The following PIP5K1B variants were observed in gnomAD, a reference collection of about 807,000 sequenced individuals.
The protein encoded by PIP5K1B is phosphatidylinositol-4-phosphate 5-kinase type 1 beta, also known as phosphatidylinositol 4-phosphate 5-kinase type-1 beta.
Under a neutral mutation model 67.0 loss-of-function variants are expected in PIP5K1B, and 42 were observed. The ratio of observed to expected loss-of-function variants is 0.63; its 90% confidence interval spans 0.49 to 0.81. The LOEUF (loss-of-function observed/expected upper bound fraction) is 0.81. Among genes scored for constraint, PIP5K1B ranks in the 30% least tolerant of loss-of-function variants. PIP5K1B has a pLI of 0.00. For missense variants in PIP5K1B, 459 were observed against 646.3 expected, an observed-to-expected ratio of 0.71 and a Z score of 3.14; for synonymous variants, 214 against 231.4, an observed-to-expected ratio of 0.92 and a Z score of 0.68.
At position 68,876,772 on chromosome 9, in the gene PIP5K1B, G is replaced by A. The variant is rs543539752; in HGVS notation, c.296G>A (p.Gly99Asp). 1.9e-6 allele frequency: 3 copies of A among 1,562,348 alleles called. No homozygotes were observed. Among genetic ancestry groups the A allele is most frequent in the Non-Finnish European group, 2.6e-6 (3 of 1,132,972 alleles). The change falls in exon 6 of 16, where the codon GGT becomes GAT. Residue 99 changes from glycine (G) to aspartate (D), a missense_variant. Physicochemically the swap from Gly to Asp is moderately conservative, Grantham distance 94. Around this residue, in one of 2 missense-constraint regions of PIP5K1B, gnomAD observed 290 missense variants for 474.4 expected, o/e 0.61. Transcript: ENST00000265382. ...TTCCGATATTTCAGAGAACTTTTTGGTATCAAGCCTGATGATTACTTGGTA... is the reference window on the plus strand; with the variant it reads ...TTCCGATATTTCAGAGAACTTTTTGATATCAAGCCTGATGATTACTTGGTA... Reference protein sequence around the residue: ...LAFRYFRELFGIKPDDYLYSI... With the variant: ...LAFRYFRELFDIKPDDYLYSI...
At chr9:68,743,532 CTT>C (rs1302575371) in intron 2 of PIP5K1B, among the ~76,000 whole-genome samples, 1 of 152,190 alleles carries the variant, frequency 6.6e-6, no homozygotes, top group African/African-American at 2.4e-5. Context: ...TTTGAATGAG[CTT>C]TCATAAGAAC....
chr9:68,871,329 A>T (rs891212074), intron 5 of PIP5K1B, among the ~76,000 whole-genome samples: 2 of 152,158 alleles, frequency 1.3e-5, no homozygotes, highest in South Asian at 4.1e-4. Flanking sequence ...TGCTGTTCTG[A>T]TGTGAGTCTA....
At chr9:68,996,502 A>G (rs1473233043) in intron 15 of PIP5K1B, among the ~76,000 whole-genome samples, 1 of 152,210 alleles carries the variant, frequency 6.6e-6, no homozygotes, top group African/African-American at 2.4e-5. Flanking sequence ...GATGACACAG[A>G]TTAGGGTATT....
rs568353847 is a variant in PIP5K1B at position 68,723,497 on chromosome 9, C to T, written c.-243+17735C>T. 2.6e-5 allele frequency among the ~76,000 whole-genome samples: 4 copies of T among 151,990 alleles called. No homozygotes were observed. The South Asian group carries it at 8.3e-4, about 32-fold the overall frequency. On this transcript the variant is annotated intron_variant, in intron 1 of 15. Transcript: ENST00000265382. ...TGCCCTTTCTCTACATCCTCTCCAG[C>T]ATTTGTTACTTTTTGATTTTTTTTG...
intron 1 of PIP5K1B, among the ~76,000 whole-genome samples, chr9:68,726,243 T>G (rs1828143820): frequency 6.6e-6 from 1 of 152,138 alleles, no homozygotes. Context: ...ATGCGCCCCA[T>G]AAATATATAC....
intron 4 of PIP5K1B, among the ~76,000 whole-genome samples, chr9:68,856,990 A>G (rs896109321): frequency 1.3e-5 from 2 of 152,238 alleles, no homozygotes; most frequent in African/African-American, 4.8e-5. Context: ...ATGGGTCCAT[A>G]TAAAGCGAAG....
chr9:68,914,995 G>A (rs759903097), intron 8 of PIP5K1B, among the ~76,000 whole-genome samples: 5 of 152,336 alleles, frequency 3.3e-5, no homozygotes, highest in East Asian at 1.9e-4. Flanking sequence ...ATGAGTCACC[G>A]TGAATTATAA....
At position 68,705,333 on chromosome 9, in the gene PIP5K1B, T is replaced by C. The variant is rs1827068205; in HGVS notation, c.-672T>C. On this transcript the variant is annotated 5_prime_UTR_variant, in exon 1 of 16. Transcript: ENST00000265382. The stretch of plus-strand genomic sequence containing the variant: ...GCTGCTGCTCCTCTCGGTCCCCGGT[T>C]CCCGGTCCCCGAACGCGCCGCGGCG... 3 of 151,400 alleles carry C rather than the reference T, an allele frequency of 2.0e-5. No homozygotes were observed. The South Asian group carries it at 6.2e-4, about 31-fold the overall frequency. The allele number at this position is 151,400 out of a possible 1,614,324, so 9.4% of individuals were successfully genotyped here.
rs369411058 is a variant in PIP5K1B at position 68,940,810 on chromosome 9, A to G, written c.1502+20A>G. 1.6e-5 allele frequency: 26 copies of G among 1,611,344 alleles called. No individual in the cohort carries two copies. The African/African-American group carries it at 3.5e-4, about 22-fold the overall frequency. On this transcript the variant is annotated intron_variant, in intron 14 of 15. Transcript: ENST00000265382. Reference sequence around the variant, plus strand: ...AAACAGGTAATACTTAGTGCAGTCAAATAACCCATCAGGCTGTTACCACAT... The same window carrying G: ...AAACAGGTAATACTTAGTGCAGTCAGATAACCCATCAGGCTGTTACCACAT...
At chr9:68,934,082 C>A (rs1406760143) in intron 12 of PIP5K1B, among the ~76,000 whole-genome samples, 1 of 152,184 alleles carries the variant, frequency 6.6e-6, no homozygotes, top group African/African-American at 2.4e-5. Context: ...CAAGGAAATT[C>A]TCAAGCAATA....
chr9:68,971,372 A>G (rs1359246673), intron 14 of PIP5K1B, among the ~76,000 whole-genome samples: 1 of 152,046 alleles, frequency 6.6e-6, no homozygotes, highest in African/African-American at 2.4e-5. Flanking sequence ...TATGTACCAC[A>G]TTTTCTTTAT....
intron 14 of PIP5K1B, chr9:68,965,576 C>T (rs1693664824): frequency 6.6e-6 from 1 of 152,198 alleles, no homozygotes; most frequent in South Asian, 2.1e-4. Flanking sequence ...GATACAAGAG[C>T]TTTGTGTTTA....
chr9:68,963,862 T>C (rs1375437504), intron 14 of PIP5K1B, among the ~76,000 whole-genome samples: 2 of 152,230 alleles, frequency 1.3e-5, no homozygotes, highest in African/African-American at 4.8e-5. Context: ...TTCTTCCTGC[T>C]CTGACAGTAG....
In PIP5K1B at chr9:68,824,302, A is replaced by G. The variant is rs193271928; in HGVS notation, c.69+1619A>G. On this transcript the variant is annotated intron_variant, in intron 4 of 15. Coordinates refer to ENST00000265382, the MANE Select transcript of PIP5K1B (RefSeq NM_003558.4). The stretch of plus-strand genomic sequence containing the variant: ...GAGATCCTTTGTCGCTGCAAAAGTT[A>G]TAGAAAAAATGTGACCATGACATCT... 117 of 516,066 alleles carry G rather than the reference A, an allele frequency of 2.3e-4. No homozygotes were observed. In the East Asian group the frequency reaches 5.7e-3, roughly 25 times the overall value. The allele number at this position is 516,066 out of a possible 1,614,324, so 32.0% of individuals were successfully genotyped here.
chr9:68,937,431 T>G lies in PIP5K1B; in HGVS notation c.1357+2386T>G, dbSNP rs571332806. Among the ~76,000 whole-genome samples, 3 of 152,372 alleles carry G rather than the reference T, an allele frequency of 2.0e-5. No individual in the cohort carries two copies. In the South Asian group the frequency reaches 6.2e-4, roughly 32 times the overall value. ...ATTCTCTGATGGTAGTTTGTATTTCTGTGGGATCAGTGGTGATATCCCCTA... is the reference window on the plus strand; with the variant it reads ...ATTCTCTGATGGTAGTTTGTATTTCGGTGGGATCAGTGGTGATATCCCCTA... On this transcript the variant is annotated intron_variant, in intron 13 of 15. Transcript: ENST00000265382.
At chr9:68,821,854 G>A (rs1833747042) in intron 3 of PIP5K1B, among the ~76,000 whole-genome samples, 1 of 152,146 alleles carries the variant, frequency 6.6e-6, no homozygotes, top group Non-Finnish European at 1.5e-5. Flanking sequence ...TTAACACACA[G>A]TGGTGTCCAC....
At chr9:68,791,715 C>T (rs1012157528) in intron 2 of PIP5K1B, among the ~76,000 whole-genome samples, 1 of 152,160 alleles carries the variant, frequency 6.6e-6, no homozygotes, top group African/African-American at 2.4e-5. Flanking sequence ...TCTATATAGT[C>T]TTTCTCAAGG....
At chr9:68,731,819 G>GA (rs1329641324) in intron 1 of PIP5K1B, among the ~76,000 whole-genome samples, 1 of 152,222 alleles carries the variant, frequency 6.6e-6, no homozygotes, top group African/African-American at 2.4e-5. Flanking sequence ...AATACTCTGA[G>GA]AGACAGTCAC....
intron 9 of PIP5K1B, among the ~76,000 whole-genome samples, chr9:68,918,433 C>T (rs1483532630): frequency 1.3e-5 from 2 of 152,108 alleles, no homozygotes; most frequent in African/African-American, 4.8e-5. Context: ...GAATGATGTT[C>T]GCAATTCAGA....
Sources: allele counts gnomAD v4.1 joint callset (sites outside exome capture counted in the v4.1 genomes callset), GRCh38; gene constraint gnomAD v4.1.1; regional missense constraint gnomAD v4.1.1; transcripts MANE v1.5; gene names NCBI Gene and HGNC (gene_info 2026-07-23, HGNC 2026-07-21).